NTRK2: variants seen among roughly 807,000 people sequenced by gnomAD.
NTRK2 encodes the protein BDNF/NT-3 growth factors receptor.
A neutral mutation model predicts 94.5 loss-of-function variants in NTRK2; 13 were observed. The observed-to-expected ratio is 0.14, with a 90% CI of 0.09 to 0.22. The LOEUF (loss-of-function observed/expected upper bound fraction) is 0.22. NTRK2 is among the 10% of genes least tolerant of loss of function. The pLI is 1.00. For synonymous variants in NTRK2, 372 were observed against 407.4 expected (o/e 0.91, Z 1.05); for missense variants, 639 against 1,071.2 (o/e 0.60, Z 5.63).
At chr9:84,905,587 G>T (rs745445896) in intron 14 of NTRK2, among the ~76,000 whole-genome samples, 1 of 152,120 alleles carries the variant, frequency 6.6e-6, no homozygotes, top group Non-Finnish European at 1.5e-5. Flanking sequence ...CCTTTGGAGA[G>T]AAAACATGAA....
chr9:84,672,525 G>A (rs1325532103), intron 2 of NTRK2, among the ~76,000 whole-genome samples: 1 of 152,128 alleles, frequency 6.6e-6, no homozygotes, highest in African/African-American at 2.4e-5. Context: ...AAGGCCATAT[G>A]GAATTCAGAG....
intron 14 of NTRK2, among the ~76,000 whole-genome samples, chr9:84,922,803 T>A (rs908466346): frequency 1.3e-5 from 2 of 152,230 alleles, no homozygotes; most frequent in Non-Finnish European, 1.5e-5. Context: ...CAGTTCTTTT[T>A]CCTTTAGATG....
At chr9:84,870,337 A>ATATATATATATG (rs2075809439) in intron 14 of NTRK2, among the ~76,000 whole-genome samples, 1 of 72,210 alleles carries the variant, frequency 1.4e-5, no homozygotes, top group Non-Finnish European at 2.6e-5. Flanking sequence ...GTGTGTATAT[A>ATATATATATATG]TATATATATA....
In NTRK2 at chr9:85,023,213, G is replaced by C. The variant is rs1832870150; in HGVS notation, c.*1776G>C. On this transcript the variant is annotated 3_prime_UTR_variant, in exon 19 of 19. Transcript: ENST00000277120. ...TATACCAAGAAAGAAAAATATTTCT[G>C]TTCCTCAAGAAAACTTGCTACCCTC... 4.3e-6 allele frequency: 1 copy of C among 232,958 alleles called. No homozygotes were observed. Among genetic ancestry groups the C allele is most frequent in the Non-Finnish European group, 8.5e-6 (1 of 117,864 alleles). 14.4% of individuals were successfully genotyped at this position (232,958 alleles called of 1,614,324 possible). A position where few individuals can be genotyped will look rare whatever the true frequency, so the allele number is the denominator to read the frequency against.
At chr9:84,877,848 TG>T (rs1221088845) in intron 14 of NTRK2, 1 of 1,039,796 alleles carries the variant, frequency 9.6e-7, no homozygotes, top group Non-Finnish European at 1.2e-6. Context: ...GTGATGTAGT[TG>T]ATCATTCAGA....
chr9:84,818,379 A>C (rs1032353359), intron 12 of NTRK2, among the ~76,000 whole-genome samples: 1 of 152,186 alleles, frequency 6.6e-6, no homozygotes, highest in African/African-American at 2.4e-5. Flanking sequence ...CACTCCTACT[A>C]GCACTGGCAG....
intron 12 of NTRK2, among the ~76,000 whole-genome samples, chr9:84,779,010 G>A (rs2067311254): frequency 1.3e-5 from 2 of 152,168 alleles, no homozygotes; most frequent in African/African-American, 4.8e-5. Context: ...CAGAAGGGAG[G>A]ACCTCGACTT....
intron 14 of NTRK2, among the ~76,000 whole-genome samples, chr9:84,913,741 C>T (rs2077312425): frequency 6.6e-6 from 1 of 151,988 alleles, no homozygotes; most frequent in South Asian, 2.1e-4. Context: ...AGAAGTTTGA[C>T]TCTAATCTTC....
intron 12 of NTRK2, chr9:84,812,989 T>C: frequency 9.7e-7 from 1 of 1,034,640 alleles, no homozygotes; most frequent in Non-Finnish European, 1.2e-6. Flanking sequence ...ATCAGTAACA[T>C]AGCTTCTCTT....
At chr9:84,882,730 G>GCGCGCGCGCGCA (rs1458327865) in intron 14 of NTRK2, among the ~76,000 whole-genome samples, 1 of 151,598 alleles carries the variant, frequency 6.6e-6, no homozygotes, top group African/African-American at 2.4e-5. Context: ...GCGCGCGCGC[G>GCGCGCGCGCGCA]CGCATGTGTG....
At chr9:84,997,581 G>A (rs1829896141) in intron 17 of NTRK2, among the ~76,000 whole-genome samples, 1 of 152,186 alleles carries the variant, frequency 6.6e-6, no homozygotes, top group Non-Finnish European at 1.5e-5. Context: ...TGAGATAGGG[G>A]TACTTGTGGG....
chr9:84,770,846 T>TA (rs1356514342), intron 12 of NTRK2, among the ~76,000 whole-genome samples: 1 of 152,172 alleles, frequency 6.6e-6, no homozygotes, highest in East Asian at 1.9e-4. Flanking sequence ...TAGTAATTGG[T>TA]AGAACCACAA....
intron 2 of NTRK2, among the ~76,000 whole-genome samples, chr9:84,689,690 T>A (rs947772916): frequency 1.3e-5 from 2 of 152,182 alleles, no homozygotes; most frequent in Non-Finnish European, 2.9e-5. Flanking sequence ...GCTAAGTACA[T>A]CCACGTGTTG....
chr9:84,874,243 T>C (rs776718154), intron 14 of NTRK2: 33 of 1,065,416 alleles, frequency 3.1e-5, no homozygotes, highest in Admixed American at 5.3e-5. Flanking sequence ...GCTAAGAAGC[T>C]CCTGCTACCC....
intron 14 of NTRK2, among the ~76,000 whole-genome samples, chr9:84,911,963 C>T (rs1005523976): frequency 2.0e-5 from 3 of 152,116 alleles, no homozygotes; most frequent in African/African-American, 7.2e-5. Context: ...TCATTTAGCT[C>T]AATGCAATTT....
At chr9:84,882,710 G>GTA (rs1044453431) in intron 14 of NTRK2, among the ~76,000 whole-genome samples, 1 of 149,492 alleles carries the variant, frequency 6.7e-6, no homozygotes, top group African/African-American at 2.5e-5. Context: ...GTGTGTGTGT[G>GTA]TGTGTGTGTG....
chr9:85,016,382 G>A (rs1330715235), intron 17 of NTRK2, among the ~76,000 whole-genome samples: 1 of 152,144 alleles, frequency 6.6e-6, no homozygotes, highest in Non-Finnish European at 1.5e-5. Context: ...TGAGTTTAGT[G>A]AAGACCATGA....
chr9:84,933,439 C>T (rs376087480), intron 14 of NTRK2, among the ~76,000 whole-genome samples: 10 of 152,306 alleles, frequency 6.6e-5, no homozygotes, highest in East Asian at 5.8e-4. Flanking sequence ...CTTGAGCCGT[C>T]GCTGCTCCAG....
intron 14 of NTRK2, chr9:84,877,442 G>A: frequency 9.4e-7 from 1 of 1,066,010 alleles, no homozygotes; most frequent in African/African-American, 1.6e-5. Flanking sequence ...ATGGATAGAT[G>A]TTCCTCAAGG....
Sources: allele counts gnomAD v4.1 joint callset (sites outside exome capture counted in the v4.1 genomes callset), GRCh38; gene constraint gnomAD v4.1.1; transcripts MANE v1.5; gene names NCBI Gene and HGNC (gene_info 2026-07-23, HGNC 2026-07-21).